Variants in VPS13B observed in about 807,000 individuals in gnomAD.
VPS13B encodes the protein intermembrane lipid transfer protein VPS13B.
In VPS13B, 285 loss-of-function variants were observed where a neutral mutation model predicts 426.4. The ratio of observed to expected loss-of-function variants is 0.67; its 90% CI spans 0.61 to 0.74. The LOEUF (loss-of-function observed/expected upper bound fraction) is 0.74. VPS13B is among the 30% of genes least tolerant of loss of function. The pLI is 0.00. For missense variants in VPS13B, 4,537 were observed against 4,782.6 expected, an observed-to-expected ratio of 0.95 and a Z score of 1.51; for synonymous variants, 1,676 against 1,676.4, an observed-to-expected ratio of 1.00 and a Z score of 0.01.
At chr8:99,335,524 C>G (rs1490405722) in intron 19 of VPS13B, among the ~76,000 whole-genome samples, 3 of 151,964 alleles carry the variant, frequency 2.0e-5, no homozygotes, top group Non-Finnish European at 4.4e-5. Context: ...GGCAATTAGG[C>G]AGGAGAAGGA....
intron 55 of VPS13B, among the ~76,000 whole-genome samples, chr8:99,851,427 CAG>C (rs1316034290): frequency 2.0e-5 from 3 of 152,038 alleles, no homozygotes; most frequent in Non-Finnish European, 4.4e-5. Flanking sequence ...TGTTATGGTG[CAG>C]TAGAAGGTCA....
At chr8:99,550,577 G>A (rs1034433932) in intron 30 of VPS13B, among the ~76,000 whole-genome samples, 3 of 150,556 alleles carry the variant, frequency 2.0e-5, no homozygotes, top group Non-Finnish European at 4.4e-5. Flanking sequence ...TCTATTTTTG[G>A]CTTTGTTGAT....
intron 36 of VPS13B, among the ~76,000 whole-genome samples, chr8:99,701,563 C>A (rs1305043222): frequency 6.6e-6 from 1 of 152,012 alleles, no homozygotes; most frequent in Non-Finnish European, 1.5e-5. Context: ...CTTGTTTTTT[C>A]CCCCTGTATG....
At chr8:99,284,866 T>C (rs1226661638) in intron 19 of VPS13B, among the ~76,000 whole-genome samples, 1 of 152,188 alleles carries the variant, frequency 6.6e-6, no homozygotes, top group Non-Finnish European at 1.5e-5. Context: ...TGGCCTAGTG[T>C]TGGTTTGTCA....
In VPS13B at chr8:99,467,605, T is replaced by G. The variant is rs1184013503; in HGVS notation, c.3637T>G (p.Ser1213Ala). 6.2e-7 allele frequency: 1 copy of G among 1,612,054 alleles called. No individual in the cohort carries two copies. The highest frequency in any genetic ancestry group is 8.5e-7 in the Non-Finnish European group (1 of 1,179,758). ...FVVCLHVDLE[S>A]LEIKCSNPQV... ...TGTCTGTCTCCATGTTGACCTAGAG[T>G]CACTAGAGATAAAATGCTCTAATCC... Residue 1213 changes from serine (S) to alanine (A), a missense_variant, in exon 24 of 62, where the codon TCA becomes GCA. By Grantham distance (99) the Ser-to-Ala change is moderately conservative (BLOSUM62 1). Around this residue, in one of 2 missense-constraint regions of VPS13B, gnomAD observed 4,311 missense variants for 4,474.3 expected, o/e 0.96. Coordinates refer to ENST00000357162, the MANE Select transcript of VPS13B (RefSeq NM_152564.5).
chr8:99,428,701 A>T (rs1250797358), intron 21 of VPS13B, among the ~76,000 whole-genome samples: 1 of 152,206 alleles, frequency 6.6e-6, no homozygotes, highest in African/African-American at 2.4e-5. Context: ...AACTGGTTCA[A>T]CCATTGTGGA....
intron 36 of VPS13B, among the ~76,000 whole-genome samples, chr8:99,708,001 TA>T (rs2130247857): frequency 6.6e-6 from 1 of 152,328 alleles, no homozygotes; most frequent in East Asian, 1.9e-4. Context: ...TCCATCCATG[TA>T]ACTTAACTTT....
intron 16 of VPS13B, among the ~76,000 whole-genome samples, chr8:99,189,046 C>T (rs1391774024): frequency 1.3e-5 from 2 of 152,138 alleles, no homozygotes; most frequent in Admixed American, 1.3e-4. Context: ...ACCACAGGCA[C>T]CTGCCACCAC....
intron 43 of VPS13B, among the ~76,000 whole-genome samples, chr8:99,800,973 T>C (rs1813092699): frequency 1.3e-5 from 2 of 152,156 alleles, no homozygotes; most frequent in Non-Finnish European, 2.9e-5. Flanking sequence ...TATGATGAAA[T>C]GACACAATGC....
intron 52 of VPS13B, among the ~76,000 whole-genome samples, chr8:99,834,539 AT>A (rs66695321): frequency 6.9e-6 from 1 of 145,078 alleles, no homozygotes; most frequent in Non-Finnish European, 1.5e-5. Context: ...TCTTATTTTT[AT>A]TTTTTATTTT....
chr8:99,585,579 CAT>C (rs1226607337), intron 33 of VPS13B, among the ~76,000 whole-genome samples: 4 of 152,042 alleles, frequency 2.6e-5, no homozygotes, highest in Non-Finnish European at 4.4e-5. Flanking sequence ...TTTTTTAAGT[CAT>C]ATGATTATCT....
At chr8:99,270,131 C>CTTTTTTTTTTTT (rs71273170) in intron 17 of VPS13B, among the ~76,000 whole-genome samples, 1,053 of 30,304 alleles carry the variant, frequency 0.035, 477 homozygotes, top group East Asian at 0.1. Flanking sequence ...ATATAAGAAT[C>CTTTTTTTTTTTT]TTTTTTTTTT....
intron 3 of VPS13B, among the ~76,000 whole-genome samples, chr8:99,093,004 TA>T (rs1846225652): frequency 6.6e-6 from 1 of 152,118 alleles, no homozygotes; most frequent in African/African-American, 2.4e-5. Flanking sequence ...TACTTTGGTA[TA>T]TTTTATATTG....
At chr8:99,372,192 C>T (rs1813223535) in intron 19 of VPS13B, among the ~76,000 whole-genome samples, 1 of 148,376 alleles carries the variant, frequency 6.7e-6, no homozygotes, top group South Asian at 2.1e-4. Flanking sequence ...GCGGAGCCTG[C>T]AGTGAGCCGA....
intron 3 of VPS13B, chr8:99,091,926 T>A (rs1177145017): frequency 6.6e-6 from 1 of 152,234 alleles, no homozygotes; most frequent in Non-Finnish European, 1.5e-5. Flanking sequence ...ACCTCTTAGT[T>A]TCACTGTCCA....
At chr8:99,393,994 A>G (rs1352711989) in intron 21 of VPS13B, among the ~76,000 whole-genome samples, 2 of 152,132 alleles carry the variant, frequency 1.3e-5, no homozygotes, top group African/African-American at 2.4e-5. Flanking sequence ...CATAAATTAT[A>G]ATGAGTTTGT....
chr8:99,378,997 G>T (rs963906736), intron 19 of VPS13B, among the ~76,000 whole-genome samples: 8 of 152,134 alleles, frequency 5.3e-5, no homozygotes, highest in African/African-American at 1.7e-4. Flanking sequence ...CACACAAAAG[G>T]AGGTGAGCAG....
At chr8:99,510,103 TA>T (rs999790924) in intron 28 of VPS13B, among the ~76,000 whole-genome samples, 1 of 152,256 alleles carries the variant, frequency 6.6e-6, no homozygotes, top group Admixed American at 6.5e-5. Context: ...TTAGATTTTA[TA>T]AAAAATGCGT....
rs148960616 is a variant in VPS13B at position 99,854,312 on chromosome 8, G to A, written c.10867+56G>A. The A allele has an allele frequency of 0.03, 47,733 of 1,569,156 alleles. 927 individuals carry two copies. Among genetic ancestry groups the A allele is most frequent in the Non-Finnish European group, 0.035 (40,836 of 1,155,624 alleles). On this transcript the variant is annotated intron_variant, in intron 56 of 61. Transcript: ENST00000357162. The stretch of plus-strand genomic sequence containing the variant: ...GCTAGAGCCCGGGTAGAAATGACAC[G>A]CTTGGGGGTAGCACCTCATTTCAAG...
Sources: allele counts gnomAD v4.1 joint callset (sites outside exome capture counted in the v4.1 genomes callset), GRCh38; gene constraint gnomAD v4.1.1; regional missense constraint gnomAD v4.1.1; transcripts MANE v1.5; gene names NCBI Gene and HGNC (gene_info 2026-07-23, HGNC 2026-07-21).